The following RAB11FIP3 variants were observed in gnomAD, a reference collection of about 807,000 sequenced individuals.
The protein encoded by RAB11FIP3 is RAB11 family interacting protein 3, also known as rab11 family-interacting protein 3.
Under a neutral mutation model 77.8 loss-of-function variants are expected in RAB11FIP3, and 17 were observed. The observed-to-expected ratio is 0.22, with a 90% CI of 0.15 to 0.33. The LOEUF (loss-of-function observed/expected upper bound fraction) is 0.33, where lower values mean the gene tolerates loss of function less well. Ranked by LOEUF, RAB11FIP3 falls within the 10% of genes least tolerant of loss-of-function variation. The pLI is 1.00. For missense variants in RAB11FIP3, 1,005 were observed against 1,011.2 expected, an observed-to-expected ratio of 0.99 and a Z score of 0.08; for synonymous variants, 437 against 448.2, an observed-to-expected ratio of 0.98 and a Z score of 0.31.
intron 1 of RAB11FIP3, among the ~76,000 whole-genome samples, chr16:445,627 G>T (rs2055303355): frequency 6.6e-6 from 1 of 152,160 alleles, no homozygotes; most frequent in Non-Finnish European, 1.5e-5. Flanking sequence ...CCTCAGGCAG[G>T]TGGCTGAATC....
rs2141829487 is a variant in RAB11FIP3, at chr16:426,131, G to C, written c.125G>C (p.Gly42Ala). ...LAPGPAELRLGAPVGGPDPQS... is the reference protein window; with the variant it reads ...LAPGPAELRLAAPVGGPDPQS... ...CCGGGCCCTGCGGAGCTACGCCTCGGAGCGCCCGTCGGCGGCCCCGACCCG... is the reference window on the plus strand; with the variant it reads ...CCGGGCCCTGCGGAGCTACGCCTCGCAGCGCCCGTCGGCGGCCCCGACCCG... The change falls in exon 1 of 14, where the codon GGA becomes GCA. Residue 42 changes from glycine (G) to alanine (A), a missense_variant. Gly to Ala is a moderately conservative substitution (Grantham distance 60, BLOSUM62 0). Transcript: ENST00000262305. This position sits in a 1 kb window ranked among gnomAD's most constrained non-coding sequence, Gnocchi z 5.0. 9.9e-7 allele frequency: 1 copy of C among 1,011,048 alleles called. No homozygotes were observed. Among genetic ancestry groups the C allele is most frequent in the African/African-American group, 1.7e-5 (1 of 57,266 alleles). 62.6% of individuals were successfully genotyped at this position (1,011,048 alleles called of 1,614,324 possible).
chr16:455,472 CAAAA>C (rs761319817), intron 1 of RAB11FIP3, among the ~76,000 whole-genome samples: 1 of 113,372 alleles, frequency 8.8e-6, no homozygotes. Flanking sequence ...GACTCTGTCT[CAAAA>C]AAAAAAAAAA....
chr16:511,990 A>C (rs1441609349), intron 9 of RAB11FIP3, among the ~76,000 whole-genome samples: 4 of 111,634 alleles, frequency 3.6e-5, no homozygotes, highest in Non-Finnish European at 3.6e-5. Flanking sequence ...CAGCCCACCC[A>C]CCCCAGAAAC....
rs146791642 is a variant in RAB11FIP3, at chr16:442,522, G to A, written c.714+15802G>A. Among the ~76,000 whole-genome samples the A allele has an allele frequency of 5.7e-3, 870 of 152,306 alleles. 9 individuals are homozygous for A. The highest frequency in any genetic ancestry group is 0.02 in the African/African-American group (825 of 41,552). Reference sequence around the variant, plus strand: ...TTTCTGGTCTTCCTCCCGCTCAGCCGGGCTGCCGCTTCTGGTGTCTGGTTG... The same window carrying A: ...TTTCTGGTCTTCCTCCCGCTCAGCCAGGCTGCCGCTTCTGGTGTCTGGTTG... On this transcript the variant is annotated intron_variant, in intron 1 of 13. Coordinates refer to ENST00000262305, the MANE Select transcript of RAB11FIP3 (RefSeq NM_014700.4).
At position 520,890 on chromosome 16, in the gene RAB11FIP3, T is replaced by C. The variant is rs1219294292; in HGVS notation, c.*51T>C. 1.4e-6 allele frequency: 2 copies of C among 1,480,506 alleles called. No homozygotes were observed. Among genetic ancestry groups the C allele is most frequent in the African/African-American group, 2.8e-5 (2 of 71,966 alleles). The allele number at this position is 1,480,506 out of a possible 1,614,324, so 91.7% of individuals were successfully genotyped here. A position where few individuals can be genotyped will look rare whatever the true frequency, so the allele number is the denominator to read the frequency against. ...GATTCGGGACTCCAACACCCTGGAG[T>C]GGTTCCGTCAGACCATGAGGAGCCA... On this transcript the variant is annotated 3_prime_UTR_variant, in exon 14 of 14. Transcript: ENST00000262305.
Position 471,287 on chromosome 16 carries a change from C to T in RAB11FIP3, c.809-8C>T. 1.2e-6 allele frequency: 2 copies of T among 1,612,108 alleles called. No homozygotes were observed. Among genetic ancestry groups the T allele is most frequent in the Non-Finnish European group, 1.7e-6 (2 of 1,178,472 alleles). On this transcript the variant is annotated splice_polypyrimidine_tract_variant and splice_region_variant and intron_variant, in intron 2 of 13. Transcript: ENST00000262305. This position sits in a 1 kb window ranked among gnomAD's most constrained non-coding sequence, Gnocchi z 4.4. The stretch of plus-strand genomic sequence containing the variant: ...TGGCCTGTTGAGCACGAGGTCTTCT[C>T]CCTGCAGATCCTGATGGCCAGTGCT...
At chr16:454,059 G>T (rs755599130) in intron 1 of RAB11FIP3, among the ~76,000 whole-genome samples, 1 of 152,148 alleles carries the variant, frequency 6.6e-6, no homozygotes, top group African/African-American at 2.4e-5. Flanking sequence ...GACATGAGAT[G>T]TACTCAAATG....
chr16:432,018 A>G lies in RAB11FIP3; in HGVS notation c.714+5298A>G, dbSNP rs187669565. Among the ~76,000 whole-genome samples the G allele has an allele frequency of 2.0e-3, 304 of 152,114 alleles. 1 individual carries two copies. The highest frequency in any genetic ancestry group is 3.1e-3 in the South Asian group (15 of 4,814). On this transcript the variant is annotated intron_variant, in intron 1 of 13. Coordinates refer to ENST00000262305, the MANE Select transcript of RAB11FIP3 (RefSeq NM_014700.4). The stretch of plus-strand genomic sequence containing the variant: ...ATGATCCGCCCACCTCGGCCTCCCA[A>G]AGTGCTGGGATGATAGGCATGAGCT...
intron 4 of RAB11FIP3, among the ~76,000 whole-genome samples, chr16:487,273 GGCACCC>G (rs1481769686): frequency 1.3e-5 from 2 of 152,076 alleles, no homozygotes; most frequent in Non-Finnish European, 2.9e-5. Context: ...TGGGACTACA[GGCACCC>G]GCCACCACCC....
In RAB11FIP3 at chr16:515,936, G is replaced by A. The variant is rs544438329; in HGVS notation, c.1641-3007G>A. ...AGAGGAGGAATCGGGACTGCAGGGCGCCAGCACACACCAGAGTGGCACCAC... is the reference window on the plus strand; with the variant it reads ...AGAGGAGGAATCGGGACTGCAGGGCACCAGCACACACCAGAGTGGCACCAC... On this transcript the variant is annotated intron_variant, in intron 9 of 13. Coordinates refer to ENST00000262305, the MANE Select transcript of RAB11FIP3 (RefSeq NM_014700.4). 7.9e-5 allele frequency among the ~76,000 whole-genome samples: 12 copies of A among 152,292 alleles called. No individual in the cohort carries two copies. The East Asian group carries it at 1.2e-3, about 15-fold the overall frequency.
intron 1 of RAB11FIP3, among the ~76,000 whole-genome samples, chr16:445,130 AAG>A (rs2055292541): frequency 7.1e-6 from 1 of 141,054 alleles, no homozygotes; most frequent in Admixed American, 7.2e-5. Context: ...AAAAAAAAAA[AAG>A]AAAAAAAGAT....
At chr16:429,813 T>TATCAAATTTTC (rs2055007880) in intron 1 of RAB11FIP3, among the ~76,000 whole-genome samples, 1 of 152,208 alleles carries the variant, frequency 6.6e-6, no homozygotes, top group Non-Finnish European at 1.5e-5. Flanking sequence ...TCTTAATTTT[T>TATCAAATTTTC]ATCAAATTTT....
rs180858325 is a variant in RAB11FIP3, at chr16:469,274, C to T, written c.809-2021C>T. 6.1e-3 allele frequency among the ~76,000 whole-genome samples: 925 copies of T among 152,230 alleles called. 10 individuals are homozygous for T. The highest frequency in any genetic ancestry group is 0.021 in the African/African-American group (880 of 41,516). Reference sequence around the variant, plus strand: ...TATTTTTAGTACAGACGGGTTTTCACCATGTTGGCCACTATGGTCTCGAAC... The same window carrying T: ...TATTTTTAGTACAGACGGGTTTTCATCATGTTGGCCACTATGGTCTCGAAC... On this transcript the variant is annotated intron_variant, in intron 2 of 13. Transcript: ENST00000262305.
intron 9 of RAB11FIP3, among the ~76,000 whole-genome samples, chr16:512,934 G>A (rs989377511): frequency 1.3e-5 from 2 of 150,192 alleles, no homozygotes; most frequent in Admixed American, 6.6e-5. Context: ...CTCCCACCTC[G>A]GCCTCCCAAA....
chr16:450,959 CA>C (rs2055398492), intron 1 of RAB11FIP3, among the ~76,000 whole-genome samples: 1 of 151,954 alleles, frequency 6.6e-6, no homozygotes, highest in South Asian at 2.1e-4. Context: ...TCTGTTACCG[CA>C]GCGCTCTGCC....
In RAB11FIP3 at chr16:426,430, C is replaced by T; in HGVS notation, c.424C>T (p.Pro142Ser). The T allele has an allele frequency of 6.3e-7, 1 of 1,584,880 alleles. No homozygotes were observed. Among genetic ancestry groups the T allele is most frequent in the South Asian group, 1.1e-5 (1 of 87,266 alleles). ...CGPASCPESA[P>S]FRLQGSSSSH... ...CCCCGCGAGCTGCCCGGAGAGCGCG[C>T]CTTTCCGCTTGCAGGGGTCCAGCAG... Residue 142 changes from proline to serine, a missense_variant, in exon 1 of 14, where the codon CCT becomes TCT. Pro to Ser is a moderately conservative substitution (Grantham distance 74). Coordinates refer to ENST00000262305, the MANE Select transcript of RAB11FIP3 (RefSeq NM_014700.4). The surrounding 1 kb of genome is among the most constrained non-coding windows in gnomAD (Gnocchi z 5.0).
intron 4 of RAB11FIP3, among the ~76,000 whole-genome samples, chr16:487,753 C>T (rs969829446): frequency 1.1e-4 from 17 of 152,194 alleles, no homozygotes; most frequent in Non-Finnish European, 2.1e-4. Flanking sequence ...ACATGGCCCC[C>T]GGCCGCTGTG....
At chr16:494,025 T>TC (rs1264410764) in intron 5 of RAB11FIP3, among the ~76,000 whole-genome samples, 13 of 126,938 alleles carry the variant, frequency 1.0e-4, no homozygotes, top group African/African-American at 3.9e-4. Flanking sequence ...TGCCTCAGCC[T>TC]CCCGAGTAGC....
intron 3 of RAB11FIP3, among the ~76,000 whole-genome samples, chr16:474,593 C>A (rs1231433752): frequency 6.6e-6 from 1 of 152,082 alleles, no homozygotes; most frequent in Admixed American, 6.6e-5. Flanking sequence ...GAGTGTAAGG[C>A]GCATCTCACA....
Sources: gnomAD v4.1 joint callset for allele counts (sites outside exome capture counted in the v4.1 genomes callset) on GRCh38, gnomAD v4.1.1 for gene constraint, Gnocchi (gnomAD v3.1) non-coding constraint, MANE v1.5 for transcripts, NCBI Gene and HGNC (gene_info 2026-07-23, HGNC 2026-07-21) for gene names.